Variants in GLIS3 observed in about 807,000 individuals in gnomAD.
GLIS3 encodes the protein GLIS family zinc finger 3.
GLIS3 carries 53 observed loss-of-function variants against 78.6 expected under a neutral mutation model. The ratio of observed to expected loss-of-function variants is 0.67; its 90% confidence interval spans 0.54 to 0.85. The LOEUF is 0.85. GLIS3 is among the 40% of genes least tolerant of loss of function. GLIS3 has a pLI of 0.00. For synonymous variants in GLIS3, 684 were observed against 509.9 expected, an observed-to-expected ratio of 1.34 and a Z score of -4.60; for missense variants, 1,703 against 1,231.1, an observed-to-expected ratio of 1.38 and a Z score of -5.74.
Position 3,932,408 on chromosome 9 carries a change from T to C in GLIS3, c.1935A>G (p.Arg645=). 6.2e-7 allele frequency: 1 copy of C among 1,613,942 alleles called. No individual in the cohort carries two copies. The highest frequency in any genetic ancestry group is 8.5e-7 in the Non-Finnish European group (1 of 1,179,890). ...TKRYTDPSSL[R]KHVKAHSSKE... The stretch of plus-strand genomic sequence containing the variant: ...TGGAAGAATGTGCCTTCACATGCTT[T>C]CTTAGGGAACTTGGGTCTGTGTAGC... The change falls in exon 6 of 11, where the codon AGA becomes AGG. Residue 645 remains arginine, a synonymous_variant. Coordinates refer to ENST00000381971, the MANE Select transcript of GLIS3 (RefSeq NM_001042413.2).
At position 3,995,661 on chromosome 9, in the gene GLIS3, A is replaced by T. The variant is rs138910981; in HGVS notation, c.1711-58472T>A. Among the ~76,000 whole-genome samples the T allele has an allele frequency of 2.7e-3, 417 of 152,254 alleles. 9 individuals carry two copies. Among genetic ancestry groups the T allele is most frequent in the Admixed American group, 0.023 (350 of 15,296 alleles). ...CTAAAAATTAAAAATGTAATTATTTAAAAAAAGCTTCACTTATGAATTAAA... is the reference window on the plus strand; with the variant it reads ...CTAAAAATTAAAAATGTAATTATTTTAAAAAAGCTTCACTTATGAATTAAA... On this transcript the variant is annotated intron_variant, in intron 4 of 10. Coordinates refer to ENST00000381971, the MANE Select transcript of GLIS3 (RefSeq NM_001042413.2).
the GLIS3 span, among the ~76,000 whole-genome samples, chr9:4,370,882 T>C: frequency 6.6e-6 from 1 of 151,992 alleles, no homozygotes; most frequent in Non-Finnish European, 1.5e-5. Context: ...GAACCACAAA[T>C]TAGTGAAACC....
intron 4 of GLIS3, among the ~76,000 whole-genome samples, chr9:3,969,955 G>C (rs536067412): frequency 1.5e-4 from 23 of 152,264 alleles, no homozygotes; most frequent in South Asian, 8.3e-4. Context: ...GCAACTTGGT[G>C]GACAAATGCT....
At chr9:3,868,663 G>A (rs1743895920) in intron 8 of GLIS3, among the ~76,000 whole-genome samples, 1 of 152,110 alleles carries the variant, frequency 6.6e-6, no homozygotes, top group African/African-American at 2.4e-5. Flanking sequence ...AATTTGGAAT[G>A]TGTGCAAGAG....
intron 2 of GLIS3, among the ~76,000 whole-genome samples, chr9:4,247,015 T>C (rs1281060353): frequency 6.6e-6 from 1 of 152,200 alleles, no homozygotes; most frequent in Non-Finnish European, 1.5e-5. Flanking sequence ...CTGTTCCACA[T>C]TTTTTCACTA....
chr9:4,109,517 G>T (rs1226388648), intron 4 of GLIS3, among the ~76,000 whole-genome samples: 1 of 152,214 alleles, frequency 6.6e-6, no homozygotes, highest in Non-Finnish European at 1.5e-5. Flanking sequence ...GCTGCCAAGA[G>T]ATATGTTTTA....
chr9:4,088,901 CA>C (rs1334682630), intron 4 of GLIS3, among the ~76,000 whole-genome samples: 1 of 152,248 alleles, frequency 6.6e-6, no homozygotes, highest in Non-Finnish European at 1.5e-5. Context: ...CAAAGGGCTT[CA>C]CCCCAAAAGG....
At chr9:4,154,373 G>A (rs1403505223) in intron 2 of GLIS3, among the ~76,000 whole-genome samples, 5 of 151,978 alleles carry the variant, frequency 3.3e-5, no homozygotes, top group Non-Finnish European at 7.4e-5. Context: ...AAATTCCAGG[G>A]AAATAAAGAG....
At position 3,852,455 on chromosome 9, in the gene GLIS3, G is replaced by A. The variant is rs141660578; in HGVS notation, c.2473+3554C>T. Among the ~76,000 whole-genome samples the A allele has an allele frequency of 5.0e-4, 76 of 152,206 alleles. 1 individual carries two copies. Among genetic ancestry groups the A allele is most frequent in the African/African-American group, 1.8e-3 (74 of 41,540 alleles). ...TAAAAATCAAGTTTTATTAGGTGAC[G>A]GTGTTCCCTGTTACCAAGATGCTGT... is the stretch of plus-strand genomic sequence containing the variant. On this transcript the variant is annotated intron_variant, in intron 9 of 10. Transcript: ENST00000381971.
intron 9 of GLIS3, among the ~76,000 whole-genome samples, chr9:3,830,574 GTTA>G (rs1312393471): frequency 6.6e-6 from 1 of 152,164 alleles, no homozygotes; most frequent in Non-Finnish European, 1.5e-5. Flanking sequence ...ATAAGTGTCA[GTTA>G]TTATTGATAT....
rs916820613 is a variant in GLIS3, at chr9:4,123,946, C to T, written c.596+1788G>A. 4.1e-5 allele frequency: 16 copies of T among 391,668 alleles called. No homozygotes were observed. The East Asian group carries it at 5.8e-4, about 14-fold the overall frequency. 24.3% of individuals were successfully genotyped at this position (391,668 alleles called of 1,614,324 possible). A position where few individuals can be genotyped will look rare whatever the true frequency, so the allele number is the denominator to read the frequency against. On this transcript the variant is annotated intron_variant, in intron 3 of 10. Transcript: ENST00000381971. ...TGGACAGTTCATGCCCCCTTTTCCA[C>T]TTCCATCCACTCCCAGCATGCCCCC... is the stretch of plus-strand genomic sequence containing the variant.
At chr9:4,367,011 C>T in the GLIS3 span, among the ~76,000 whole-genome samples, 1 of 152,214 alleles carries the variant, frequency 6.6e-6, no homozygotes, top group African/African-American at 2.4e-5. Flanking sequence ...AGGATGCTTC[C>T]TAAAGCAATC....
chr9:3,923,385 A>G (rs1225311908), intron 6 of GLIS3, among the ~76,000 whole-genome samples: 1 of 152,156 alleles, frequency 6.6e-6, no homozygotes, highest in African/African-American at 2.4e-5. Context: ...ACTGTACTCT[A>G]CACCATGAAT....
intron 4 of GLIS3, among the ~76,000 whole-genome samples, chr9:3,966,835 C>T (rs2130904917): frequency 6.6e-6 from 1 of 150,890 alleles, no homozygotes; most frequent in East Asian, 1.9e-4. Flanking sequence ...AATTACACAC[C>T]ACAAAATCCA....
rs747426602 is a variant in GLIS3, at chr9:4,118,718, G to A, written c.760C>T (p.Leu254Phe). ...NGLDLGDLLS[L>F]PPGTSMSSNS... ...CTGGACATGGATGTCCCGGGAGGAA[G>A]GCTAAGGAGATCCCCTAGATCAAGG... Residue 254 changes from leucine to phenylalanine, a missense_variant, in exon 4 of 11, where the codon CTT (leucine) becomes TTT (phenylalanine). Transcript: ENST00000381971. The surrounding 1 kb of genome is among the most constrained non-coding windows in gnomAD (Gnocchi z 4.7). 1.9e-6 allele frequency: 3 copies of A among 1,614,096 alleles called. No individual in the cohort carries two copies. Among genetic ancestry groups the A allele is most frequent in the Admixed American group, 3.3e-5 (2 of 60,028 alleles).
chr9:4,025,299 TA>T (rs1358199491), intron 4 of GLIS3, among the ~76,000 whole-genome samples: 1 of 151,862 alleles, frequency 6.6e-6, no homozygotes, highest in Non-Finnish European at 1.5e-5. Context: ...TGTGCTGAAA[TA>T]AAGGATGAGC....
chr9:4,090,878 C>G lies in GLIS3; in HGVS notation c.1710+26890G>C, dbSNP rs543172755. ...ACTGTACATTCTGCAAGAGAAGTTT[C>G]ATGCATAGCACAGTCGTTACAACTG... On this transcript the variant is annotated intron_variant, in intron 4 of 10. Transcript: ENST00000381971. 3.3e-5 allele frequency among the ~76,000 whole-genome samples: 5 copies of G among 152,320 alleles called. No homozygotes were observed. The South Asian group carries it at 1.0e-3, about 32-fold the overall frequency.
intron 2 of GLIS3, among the ~76,000 whole-genome samples, chr9:4,182,122 G>T (rs183151138): frequency 6.6e-6 from 1 of 152,174 alleles, no homozygotes; most frequent in East Asian, 1.9e-4. Context: ...GAATAAAATG[G>T]TTCCTATAAG....
intron 4 of GLIS3, among the ~76,000 whole-genome samples, chr9:4,088,688 G>C (rs888997124): frequency 2.0e-5 from 3 of 152,200 alleles, no homozygotes; most frequent in African/African-American, 7.2e-5. Context: ...CAATAAATGT[G>C]ACCTTGTCCC....
Sources: allele counts gnomAD v4.1 joint callset (sites outside exome capture counted in the v4.1 genomes callset), GRCh38; gene constraint gnomAD v4.1.1; non-coding constraint Gnocchi (gnomAD v3.1); transcripts MANE v1.5; gene names NCBI Gene and HGNC (gene_info 2026-07-23, HGNC 2026-07-21).